LRMDA: variants seen among roughly 807,000 people sequenced by gnomAD.
The protein encoded by LRMDA is leucine-rich melanocyte differentiation-associated protein.
Under a neutral mutation model 29.8 loss-of-function variants are expected in LRMDA, and 18 were observed. The observed-to-expected ratio is 0.60, with a 90% CI of 0.42 to 0.90. LRMDA has a LOEUF of 0.90. Among genes scored for constraint, LRMDA ranks in the 40% least tolerant of loss-of-function variants. The pLI, the probability that LRMDA is intolerant of heterozygous loss-of-function variation, is 0.00. For missense variants in LRMDA, 273 were observed against 273.9 expected (o/e 1.00, Z 0.02); for synonymous variants, 125 against 109.4 (o/e 1.14, Z -0.89).
In LRMDA at chr10:75,815,273, A is replaced by G. The variant is rs78301068; in HGVS notation, c.132-220735A>G. Among the ~76,000 whole-genome samples the G allele has an allele frequency of 2.4e-3, 361 of 152,354 alleles. 1 individual carries two copies. The highest frequency in any genetic ancestry group is 8.3e-3 in the African/African-American group (347 of 41,590). On this transcript the variant is annotated intron_variant, in intron 2 of 6. Transcript: ENST00000611255. The stretch of plus-strand genomic sequence containing the variant: ...ACATAAAGATACCAGAGTTATTTAA[A>G]TATGTAACTTACTCACCAGTATGTA...
chr10:76,062,654 CTCTGTGTG>C lies in LRMDA; in HGVS notation c.516+3873_516+3880del, dbSNP rs1179526054. ...CAATGGATGCTTCCAGACTTTATCT[CTCTGTGTG>C]TGTGTGTGTGTGTGTGTGTGTGTGT... On this transcript the variant is annotated intron_variant, in intron 5 of 6. Coordinates refer to ENST00000611255, the MANE Select transcript of LRMDA (RefSeq NM_001305581.2). Among the ~76,000 whole-genome samples, 69 of 136,430 alleles carry C rather than the reference CTCTGTGTG, an allele frequency of 5.1e-4. No individual in the cohort carries two copies. In the East Asian group the frequency reaches 1.0e-2, roughly 20 times the overall value. 89.5% of individuals were successfully genotyped at this position (136,430 alleles called of 152,430 possible). A position where few individuals can be genotyped will look rare whatever the true frequency, so the allele number is the denominator to read the frequency against.
At chr10:76,336,105 T>C (rs752366909) in intron 6 of LRMDA, among the ~76,000 whole-genome samples, 1 of 118,440 alleles carries the variant, frequency 8.4e-6, no homozygotes, top group Non-Finnish European at 1.6e-5. Context: ...GCAAGGGAGA[T>C]AGAGAAATCA....
At chr10:76,136,650 C>A (rs1400836202) in intron 5 of LRMDA, among the ~76,000 whole-genome samples, 1 of 151,696 alleles carries the variant, frequency 6.6e-6, no homozygotes, top group Non-Finnish European at 1.5e-5. Flanking sequence ...TTGATAAAAA[C>A]TTGTCCAAAA....
Position 76,193,117 on chromosome 10 carries a change from G to A in LRMDA, c.517-131284G>A, listed in dbSNP as rs927132653. Among the ~76,000 whole-genome samples the A allele has an allele frequency of 5.3e-5, 8 of 152,278 alleles. 1 individual carries two copies. The highest frequency in any genetic ancestry group is 4.1e-4 in the South Asian group (2 of 4,828). On this transcript the variant is annotated intron_variant, in intron 5 of 6. Transcript: ENST00000611255. ...TAAATATTTAGTTAGAGATATGAGC[G>A]TGTTTCTTGAAGCTGTACATGTGTC...
intron 5 of LRMDA, among the ~76,000 whole-genome samples, chr10:76,065,813 A>G (rs1405479189): frequency 1.3e-5 from 2 of 152,190 alleles, no homozygotes; most frequent in Non-Finnish European, 2.9e-5. Context: ...TGGCCATGTA[A>G]CTCCTTGACC....
intron 2 of LRMDA, among the ~76,000 whole-genome samples, chr10:75,555,290 C>G (rs979162073): frequency 6.6e-6 from 1 of 152,164 alleles, no homozygotes; most frequent in Non-Finnish European, 1.5e-5. Context: ...CAGCTTTTCT[C>G]TTGAGTACAG....
At chr10:76,534,743 A>G (rs182961402) in intron 6 of LRMDA, among the ~76,000 whole-genome samples, 78 of 152,310 alleles carry the variant, frequency 5.1e-4, no homozygotes, top group Non-Finnish European at 1.0e-4. Flanking sequence ...GAAGTTTCTC[A>G]TTGTCACCTT....
At chr10:75,852,806 G>T (rs569482381) in intron 2 of LRMDA, among the ~76,000 whole-genome samples, 270 of 152,244 alleles carry the variant, frequency 1.8e-3, no homozygotes, top group Non-Finnish European at 3.3e-3. Context: ...TTCAAAACTA[G>T]CTTTAGTATA....
intron 2 of LRMDA, among the ~76,000 whole-genome samples, chr10:75,885,701 G>A (rs1359927454): frequency 1.3e-5 from 2 of 152,240 alleles, no homozygotes; most frequent in African/African-American, 4.8e-5. Flanking sequence ...GCTGTGTGGT[G>A]AATTGTGATG....
chr10:75,770,726 A>T (rs1014733155), intron 2 of LRMDA, among the ~76,000 whole-genome samples: 1 of 152,202 alleles, frequency 6.6e-6, no homozygotes, highest in African/African-American at 2.4e-5. Flanking sequence ...GGGTGAAGTG[A>T]GGCTGCTGGT....
chr10:75,640,795 A>G (rs574806508), intron 2 of LRMDA, among the ~76,000 whole-genome samples: 2 of 152,316 alleles, frequency 1.3e-5, no homozygotes, highest in African/African-American at 4.8e-5. Context: ...AAAACAAAAC[A>G]AAACAAAAAC....
intron 5 of LRMDA, among the ~76,000 whole-genome samples, chr10:76,135,737 T>C (rs1018344059): frequency 6.6e-6 from 1 of 152,020 alleles, no homozygotes; most frequent in African/African-American, 2.4e-5. Flanking sequence ...GTCTTCCCTC[T>C]ATGGATGTCT....
At chr10:76,536,439 G>A (rs568781789) in intron 6 of LRMDA, among the ~76,000 whole-genome samples, 36 of 152,164 alleles carry the variant, frequency 2.4e-4, no homozygotes, top group Admixed American at 9.8e-4. Flanking sequence ...TGGGGTCTCC[G>A]GGGGTCGATC....
At chr10:75,986,391 AT>A (rs1847262806) in intron 2 of LRMDA, among the ~76,000 whole-genome samples, 1 of 152,234 alleles carries the variant, frequency 6.6e-6, no homozygotes, top group African/African-American at 2.4e-5. Flanking sequence ...AGAAACAACA[AT>A]TTGTGTCTTG....
chr10:76,115,837 G>A (rs941588037), intron 5 of LRMDA, among the ~76,000 whole-genome samples: 7 of 152,114 alleles, frequency 4.6e-5, no homozygotes, highest in Non-Finnish European at 1.5e-5. Context: ...GGACTGGAGT[G>A]GTGAGGGAGA....
intron 6 of LRMDA, among the ~76,000 whole-genome samples, chr10:76,486,399 G>A (rs1842782792): frequency 6.6e-6 from 1 of 151,910 alleles, no homozygotes; most frequent in Admixed American, 6.6e-5. Flanking sequence ...TACCTTCACT[G>A]CGGTGGTTTT....
At chr10:75,808,421 A>G (rs1843896338) in intron 2 of LRMDA, among the ~76,000 whole-genome samples, 2 of 152,228 alleles carry the variant, frequency 1.3e-5, no homozygotes, top group African/African-American at 4.8e-5. Flanking sequence ...TTCCAGAAAA[A>G]GGAAGGTGGT....
intron 5 of LRMDA, among the ~76,000 whole-genome samples, chr10:76,128,028 C>T (rs945510032): frequency 1.2e-4 from 18 of 152,172 alleles, no homozygotes; most frequent in Non-Finnish European, 7.3e-5. Flanking sequence ...TGCTTCTGCT[C>T]ACTAATACTT....
At chr10:76,529,750 A>ATC (rs1174725789) in intron 6 of LRMDA, among the ~76,000 whole-genome samples, 1 of 152,144 alleles carries the variant, frequency 6.6e-6, no homozygotes, top group Non-Finnish European at 1.5e-5. Context: ...TAGGGAGACT[A>ATC]TAGCTCTTTT....
Sources: allele counts gnomAD v4.1 joint callset (sites outside exome capture counted in the v4.1 genomes callset), GRCh38; gene constraint gnomAD v4.1.1; transcripts MANE v1.5; gene names NCBI Gene and HGNC (gene_info 2026-07-23, HGNC 2026-07-21).